The following GRM8 variants were observed in gnomAD, a reference collection of about 807,000 sequenced individuals.
GRM8 encodes the protein glutamate metabotropic receptor 8.
In GRM8, 47 loss-of-function variants were observed where a neutral mutation model predicts 87.2. The ratio of observed to expected loss-of-function variants is 0.54; its 90% CI spans 0.43 to 0.69. GRM8 has a LOEUF of 0.69. GRM8 is among the 30% of genes least tolerant of loss of function. The pLI, the probability that GRM8 is intolerant of heterozygous loss-of-function variation, is 0.00. For synonymous variants in GRM8, 396 were observed against 404.5 expected (o/e 0.98, Z 0.25); for missense variants, 1,019 against 1,139.2 (o/e 0.89, Z 1.52).
At position 126,987,447 on chromosome 7, in the gene GRM8, T is replaced by TG. The variant is rs1812195619; in HGVS notation, c.728-82765_728-82764insC. Among the ~76,000 whole-genome samples the TG allele has an allele frequency of 2.7e-5, 4 of 150,754 alleles. 1 individual carries two copies. In the South Asian group the frequency reaches 8.4e-4, roughly 32 times the overall value. On this transcript the variant is annotated intron_variant, in intron 3 of 10. Coordinates refer to ENST00000339582, the MANE Select transcript of GRM8 (RefSeq NM_000845.3). ...ACAAGAAGCATATCTTGTTCACAGT[T>TG]TTTTTTTTTGTTTTTTGTTTGTTTG...
Position 126,727,861 on chromosome 7 carries a change from GC to G in GRM8, c.1357+42003del, listed in dbSNP as rs1813182321. ...ACAACCTGAAAACTTGAGTAGCTGG[GC>G]ATTACAGCCAGCTGGGATGTGTATA... On this transcript the variant is annotated intron_variant, in intron 7 of 10. Transcript: ENST00000339582. Among the ~76,000 whole-genome samples the G allele has an allele frequency of 4.6e-5, 7 of 152,200 alleles. No individual in the cohort carries two copies. In the South Asian group the frequency reaches 1.5e-3, roughly 32 times the overall value.
chr7:126,847,869 G>A (rs1048551310), intron 6 of GRM8, among the ~76,000 whole-genome samples: 1 of 152,168 alleles, frequency 6.6e-6, no homozygotes, highest in Non-Finnish European at 1.5e-5. Flanking sequence ...TATATTGGTG[G>A]ATCCACTTTG....
chr7:126,476,352 G>C lies in GRM8; in HGVS notation c.2431-29980C>G, dbSNP rs76705761. Among the ~76,000 whole-genome samples the C allele has an allele frequency of 8.2e-3, 1,245 of 152,246 alleles. 17 individuals carry two copies. Among genetic ancestry groups the C allele is most frequent in the African/African-American group, 0.029 (1,197 of 41,532 alleles). ...GGGTTACTTGAGCCCAGGGGTTCGA[G>C]GCTATGCAGTGAGCTATGATTGTGC... On this transcript the variant is annotated intron_variant, in intron 9 of 10. Transcript: ENST00000339582.
chr7:127,040,274 C>A (rs1460751598), intron 3 of GRM8, among the ~76,000 whole-genome samples: 1 of 151,978 alleles, frequency 6.6e-6, no homozygotes, highest in Non-Finnish European at 1.5e-5. Flanking sequence ...GGTTTCAGAG[C>A]AGAGCTGTTG....
intron 7 of GRM8, among the ~76,000 whole-genome samples, chr7:126,652,017 C>T (rs1803947125): frequency 6.6e-6 from 1 of 152,180 alleles, no homozygotes; most frequent in Non-Finnish European, 1.5e-5. Context: ...GTCATCAATA[C>T]CAGCTACGAC....
intron 3 of GRM8, among the ~76,000 whole-genome samples, chr7:126,987,586 G>A (rs1465051647): frequency 6.6e-6 from 1 of 151,926 alleles, no homozygotes; most frequent in Non-Finnish European, 1.5e-5. Context: ...TCAGCCTCCC[G>A]AGTACCTGGG....
At chr7:127,100,405 A>G (rs1276102680) in intron 3 of GRM8, among the ~76,000 whole-genome samples, 2 of 152,126 alleles carry the variant, frequency 1.3e-5, no homozygotes, top group Non-Finnish European at 2.9e-5. Context: ...CCCTCCCATG[A>G]CCATAAACCC....
At chr7:126,481,709 T>C (rs960693207) in intron 9 of GRM8, among the ~76,000 whole-genome samples, 1 of 152,046 alleles carries the variant, frequency 6.6e-6, no homozygotes, top group East Asian at 1.9e-4. Flanking sequence ...CAACTTAAGA[T>C]AACGTGGGAT....
At chr7:126,439,294 A>ATTAT (rs1801183781) in intron 10 of GRM8, 126 bp from the exon 11 acceptor site, 1 of 663,282 alleles carries the variant, frequency 1.5e-6, no homozygotes, top group Non-Finnish European at 2.7e-6. Flanking sequence ...CATGTTACTC[A>ATTAT]TTATTTTTAA....
In GRM8 at chr7:126,550,109, TTTTTTTGTTTTTTTG is replaced by T. The variant is rs542992011; in HGVS notation, c.1495-16237_1495-16223del. Among the ~76,000 whole-genome samples, 150 of 150,468 alleles carry T rather than the reference TTTTTTTGTTTTTTTG, an allele frequency of 1.0e-3. 1 individual carries two copies. The highest frequency in any genetic ancestry group is 3.6e-3 in the African/African-American group (145 of 40,066). The stretch of plus-strand genomic sequence containing the variant: ...CAGAGTAGAGTGAAAATGTTTTTTG[TTTTTTTGTTTTTTTG>T]TTTTTTTTTCCGAGACGGTCTCCCT... On this transcript the variant is annotated intron_variant, in intron 8 of 10. Coordinates refer to ENST00000339582, the MANE Select transcript of GRM8 (RefSeq NM_000845.3).
At chr7:126,647,894 A>G (rs983726391) in intron 7 of GRM8, among the ~76,000 whole-genome samples, 2 of 152,190 alleles carry the variant, frequency 1.3e-5, no homozygotes, top group African/African-American at 4.8e-5. Flanking sequence ...ATTTCTAGAA[A>G]CAAAATCATG....
chr7:127,155,399 G>A (rs1022596269), intron 2 of GRM8, among the ~76,000 whole-genome samples: 9 of 152,184 alleles, frequency 5.9e-5, no homozygotes, highest in Middle Eastern at 3.4e-3. Flanking sequence ...TTCATCCAAC[G>A]TAACTCTCAT....
intron 2 of GRM8, among the ~76,000 whole-genome samples, chr7:127,133,006 C>A (rs1827770124): frequency 6.6e-6 from 1 of 152,222 alleles, no homozygotes; most frequent in African/African-American, 2.4e-5. Context: ...GTGGCACATG[C>A]CTATAGTCCC....
At chr7:126,858,973 G>A (rs563683858) in intron 6 of GRM8, among the ~76,000 whole-genome samples, 1 of 151,894 alleles carries the variant, frequency 6.6e-6, no homozygotes, top group Non-Finnish European at 1.5e-5. Context: ...CCAGTCTAAT[G>A]TGTCCCTCCA....
intron 3 of GRM8, among the ~76,000 whole-genome samples, chr7:127,057,149 G>T (rs1820078063): frequency 6.6e-6 from 1 of 151,610 alleles, no homozygotes; most frequent in Admixed American, 6.6e-5. Flanking sequence ...TTACAGAAGA[G>T]AAAGAGTTAC....
At chr7:126,658,401 T>C (rs948395167) in intron 7 of GRM8, among the ~76,000 whole-genome samples, 24 of 152,222 alleles carry the variant, frequency 1.6e-4, no homozygotes, top group African/African-American at 5.3e-4. Flanking sequence ...AGAACAGAAC[T>C]AGTGATTGGA....
intron 6 of GRM8, among the ~76,000 whole-genome samples, chr7:126,811,674 T>C (rs79090647): frequency 1.3e-3 from 198 of 152,188 alleles, no homozygotes; most frequent in African/African-American, 4.6e-3. Context: ...AGATGATTAT[T>C]GGTGTATACA....
rs201563638 is a variant in GRM8, at chr7:126,953,586, GT to G, written c.728-48904del. On this transcript the variant is annotated intron_variant, in intron 3 of 10. Transcript: ENST00000339582. ...TTTCACTTATCAAGAAAAGAGCCAA[GT>G]TTTTTTTTCTTCTTCTTCTTTTTCT... 6.4e-4 allele frequency among the ~76,000 whole-genome samples: 97 copies of G among 151,692 alleles called. 1 individual carries two copies. Among genetic ancestry groups the G allele is most frequent in the African/African-American group, 8.0e-4 (33 of 41,386 alleles).
At chr7:126,661,866 C>CT (rs1805214808) in intron 7 of GRM8, among the ~76,000 whole-genome samples, 1 of 150,224 alleles carries the variant, frequency 6.7e-6, no homozygotes, top group African/African-American at 2.5e-5. Context: ...CAATATGCCA[C>CT]TTTAATATGA....
Sources: allele counts gnomAD v4.1 joint callset (sites outside exome capture counted in the v4.1 genomes callset), GRCh38; gene constraint gnomAD v4.1.1; transcripts MANE v1.5; gene names NCBI Gene and HGNC (gene_info 2026-07-23, HGNC 2026-07-21).